Variants in GALNT16 observed in about 807,000 individuals in gnomAD.
GALNT16 encodes UDP-GalNAc:polypeptide N-acetylgalactosaminyltransferase-like protein 1.
A neutral mutation model predicts 76.1 loss-of-function variants in GALNT16; 40 were observed. That is an observed-to-expected ratio of 0.53 (90% confidence interval 0.41 to 0.68). GALNT16 has a LOEUF of 0.68. Among genes scored for constraint, GALNT16 ranks in the 30% least tolerant of loss-of-function variants. The pLI is 0.00. For synonymous variants in GALNT16, 276 were observed against 285.2 expected (o/e 0.97, Z 0.32); for missense variants, 621 against 731.9 (o/e 0.85, Z 1.75).
chr14:69,372,466 A>G, the GALNT16 span, among the ~76,000 whole-genome samples: 2 of 150,120 alleles, frequency 1.3e-5, no homozygotes, highest in African/African-American at 4.9e-5. Context: ...TCAAATACAT[A>G]ATTGTCTTAG....
chr14:69,284,532 A>G (rs76233444), intron 1 of GALNT16, among the ~76,000 whole-genome samples: 5,944 of 152,304 alleles, frequency 0.039, 400 homozygotes, highest in African/African-American at 0.14. Context: ...CACCCTGGAC[A>G]GGACTCTGGG....
chr14:69,367,285 G>A, the GALNT16 span, among the ~76,000 whole-genome samples: 1 of 152,044 alleles, frequency 6.6e-6, no homozygotes, highest in African/African-American at 2.4e-5. Flanking sequence ...CTCATATGTT[G>A]AAACCTAACC....
At chr14:69,359,897 C>T (rs551767978), downstream of GALNT16, among the ~76,000 whole-genome samples, 6 of 152,088 alleles carry the variant, frequency 3.9e-5, no homozygotes, top group African/African-American at 7.2e-5. Context: ...GGGTGGCACA[C>T]GCCTGTAGTC....
At chr14:69,383,019 A>T in the GALNT16 span, among the ~76,000 whole-genome samples, 1 of 152,342 alleles carries the variant, frequency 6.6e-6, no homozygotes, top group East Asian at 1.9e-4. Context: ...GTCTTCAGTG[A>T]TAACTTCTCT....
At chr14:69,380,061 G>GA in the GALNT16 span, 6 of 142,352 alleles carry the variant, frequency 4.2e-5, no homozygotes, top group Non-Finnish European at 9.2e-5. Flanking sequence ...AACTTAAAAT[G>GA]AAAAAATGCT....
At chr14:69,342,267 A>G (rs568168606) in intron 12 of GALNT16, among the ~76,000 whole-genome samples, 1 of 151,908 alleles carries the variant, frequency 6.6e-6, no homozygotes, top group East Asian at 1.9e-4. Flanking sequence ...GGGCAACATA[A>G]TGAGACCTTG....
chr14:69,260,113 C>G (rs561007223), upstream of GALNT16: 4 of 521,626 alleles, frequency 7.7e-6, no homozygotes, highest in Non-Finnish European at 1.4e-5. Flanking sequence ...GAGGATCGCT[C>G]CGCGATCCTG....
At chr14:69,325,906 A>T in intron 4 of GALNT16, 56 bp from the exon 5 acceptor site, 1 of 1,393,284 alleles carries the variant, frequency 7.2e-7, no homozygotes, top group Non-Finnish European at 1.0e-6. Context: ...CAGCCAAACC[A>T]CTAGTGGCCT....
rs1049243229 is a variant in GALNT16 at position 69,314,202 on chromosome 14, G to A, written c.178-6509G>A. ...ATATAATAATAGTTAATAACAATTC[G>A]TTAGTTAATAATAATAATCACAATT... On this transcript the variant is annotated intron_variant, in intron 1 of 14. Coordinates refer to ENST00000448469, the MANE Select transcript of GALNT16 (RefSeq NM_001168368.2). Among the ~76,000 whole-genome samples the A allele has an allele frequency of 4.3e-4, 66 of 152,252 alleles. 2 individuals are homozygous for A. The highest frequency in any genetic ancestry group is 1.2e-4 in the African/African-American group (5 of 41,454).
At chr14:69,320,661 A>G (rs748009616) in intron 1 of GALNT16, 50 bp from the exon 2 acceptor site, 12 of 1,568,516 alleles carry the variant, frequency 7.7e-6, no homozygotes, top group Non-Finnish European at 1.0e-5. Flanking sequence ...CTCGCCAAGC[A>G]GTGGGGTCCT....
At chr14:69,369,860 G>T in the GALNT16 span, among the ~76,000 whole-genome samples, 1 of 152,176 alleles carries the variant, frequency 6.6e-6, no homozygotes, top group African/African-American at 2.4e-5. Flanking sequence ...CAACCAGACT[G>T]GGGAAGATTG....
intron 14 of GALNT16, 158 bp from the exon 15 acceptor site, chr14:69,351,873 C>A: frequency 1.5e-6 from 1 of 648,624 alleles, no homozygotes; most frequent in Non-Finnish European, 2.6e-6. Flanking sequence ...GGTAGCACCA[C>A]TGTAAGAACA....
At chr14:69,297,819 C>T (rs1172312995) in intron 1 of GALNT16, among the ~76,000 whole-genome samples, 5 of 152,112 alleles carry the variant, frequency 3.3e-5, no homozygotes, top group Non-Finnish European at 5.9e-5. Flanking sequence ...ACATAATCGT[C>T]GGTGATGATA....
Position 69,338,728 on chromosome 14 carries a change from A to G in GALNT16, c.1045A>G (p.Lys349Glu). ...CAGCCGGGTGGGCCATGTCTTCAGG[A>G]AACGGCACCCCTACAACTTCCCTGA... ...PCSRVGHVFR[K>E]RHPYNFPEGN... The change falls in exon 10 of 15, where the codon AAA becomes GAA. Residue 349 changes from lysine to glutamate, a missense_variant. Transcript: ENST00000448469. 6.2e-7 allele frequency: 1 copy of G among 1,613,894 alleles called. No homozygotes were observed. The highest frequency in any genetic ancestry group is 8.5e-7 in the Non-Finnish European group (1 of 1,179,914).
the GALNT16 span, among the ~76,000 whole-genome samples, chr14:69,371,429 T>C: frequency 6.7e-6 from 1 of 148,606 alleles, no homozygotes. Flanking sequence ...TATTTTTGTA[T>C]TTTTTTTTAG....
intron 1 of GALNT16, among the ~76,000 whole-genome samples, chr14:69,316,994 GAA>G (rs2045111629): frequency 6.6e-6 from 1 of 152,158 alleles, no homozygotes; most frequent in Non-Finnish European, 1.5e-5. Context: ...TAGTGGAAAA[GAA>G]AGAGAAGTAA....
At position 69,322,925 on chromosome 14, in the gene GALNT16, G is replaced by GGGGTGTGTGTGTGTGTGT. The variant is rs797021875; in HGVS notation, c.336-1766_336-1765insGGTGTGTGTGTGTGTGTG. On this transcript the variant is annotated intron_variant, in intron 2 of 14. Transcript: ENST00000448469. ...AAAAGAAAGCTGAGGTGGCTCACGG[G>GGGGTGTGTGTGTGTGTGT]GTGTGTGTGTGTGTGTGTGTGTGTG... Among the ~76,000 whole-genome samples, 34 of 103,852 alleles carry GGGGTGTGTGTGTGTGTGT rather than the reference G, an allele frequency of 3.3e-4. 2 individuals carry two copies. Among genetic ancestry groups the GGGGTGTGTGTGTGTGTGT allele is most frequent in the African/African-American group, 1.3e-3 (32 of 25,592 alleles). The allele number at this position is 103,852 out of a possible 152,430, so 68.1% of individuals were successfully genotyped here.
chr14:69,313,962 A>G (rs1301189468), intron 1 of GALNT16, among the ~76,000 whole-genome samples: 1 of 152,196 alleles, frequency 6.6e-6, no homozygotes, highest in Non-Finnish European at 1.5e-5. Flanking sequence ...GCCCCTCACC[A>G]TCATGAGTTT....
intron 1 of GALNT16, among the ~76,000 whole-genome samples, chr14:69,273,427 T>G (rs969523063): frequency 2.6e-5 from 4 of 152,222 alleles, no homozygotes; most frequent in African/African-American, 9.6e-5. Context: ...GTGAGGATTC[T>G]GGAGCTGCCT....
Sources: allele counts gnomAD v4.1 joint callset (sites outside exome capture counted in the v4.1 genomes callset), GRCh38; gene constraint gnomAD v4.1.1; transcripts MANE v1.5; gene names NCBI Gene and HGNC (gene_info 2026-07-23, HGNC 2026-07-21).